Variants in VPS54 observed in about 807,000 individuals in gnomAD.
VPS54 encodes the protein VPS54 subunit of GARP complex, also known as vacuolar protein sorting-associated protein 54.
Under a neutral mutation model 121.5 loss-of-function variants are expected in VPS54, and 45 were observed. The observed-to-expected ratio is 0.37, with a 90% CI of 0.29 to 0.47. The LOEUF (loss-of-function observed/expected upper bound fraction) is 0.47, where lower values mean the gene tolerates loss of function less well. VPS54 is among the 20% of genes least tolerant of loss of function. VPS54 has a pLI of 0.99. For synonymous variants in VPS54, 371 were observed against 385.8 expected, an observed-to-expected ratio of 0.96 and a Z score of 0.45; for missense variants, 1,090 against 1,131.4, an observed-to-expected ratio of 0.96 and a Z score of 0.52.
At chr2:63,921,485 G>A (rs1673644827) in intron 12 of VPS54, 150 bp from the exon 13 acceptor site, 1 of 758,026 alleles carries the variant, frequency 1.3e-6, no homozygotes, top group South Asian at 2.2e-5. Flanking sequence ...AGTTTTTATA[G>A]TGAAACATTA....
intron 6 of VPS54, 151 bp downstream of exon 6, chr2:63,965,684 T>C: frequency 9.2e-7 from 1 of 1,089,440 alleles, no homozygotes; most frequent in Non-Finnish European, 1.3e-6. Flanking sequence ...GCTGTTAGTT[T>C]ATCAGTTAAG....
intron 13 of VPS54, 38 bp from the exon 14 acceptor site, chr2:63,920,665 C>T (rs760352830): frequency 1.6e-6 from 2 of 1,279,586 alleles, no homozygotes; most frequent in African/African-American, 3.1e-5. Context: ...GTTAGTGTAA[C>T]ACCAAATTGA....
At chr2:63,935,977 A>G (rs1216818604) in intron 11 of VPS54, among the ~76,000 whole-genome samples, 2 of 152,194 alleles carry the variant, frequency 1.3e-5, no homozygotes, top group African/African-American at 2.4e-5. Flanking sequence ...AATGTGGCAG[A>G]CCTAGAACTG....
At chr2:63,981,036 G>C (rs558844863) in intron 3 of VPS54, among the ~76,000 whole-genome samples, 3 of 151,982 alleles carry the variant, frequency 2.0e-5, no homozygotes, top group Admixed American at 2.0e-4. Flanking sequence ...TTCAAATTAG[G>C]CTTGCTAATG....
At chr2:63,992,815 A>T (rs1559045490) in intron 1 of VPS54, among the ~76,000 whole-genome samples, 1 of 152,068 alleles carries the variant, frequency 6.6e-6, no homozygotes, top group East Asian at 1.9e-4. Context: ...ATAGTTATTG[A>T]TTTTTTTATA....
chr2:63,987,483 T>C (rs1355544069), intron 1 of VPS54, among the ~76,000 whole-genome samples: 3 of 152,130 alleles, frequency 2.0e-5, no homozygotes, highest in Non-Finnish European at 4.4e-5. Context: ...TTCTTTTTTT[T>C]GCATAGGATA....
At chr2:63,988,223 T>C (rs535495803) in intron 1 of VPS54, among the ~76,000 whole-genome samples, 2 of 152,362 alleles carry the variant, frequency 1.3e-5, no homozygotes, top group South Asian at 2.1e-4. Flanking sequence ...GTTTTTATTA[T>C]GAAAGGATGT....
intron 7 of VPS54, among the ~76,000 whole-genome samples, chr2:63,960,154 G>A (rs1422842915): frequency 6.6e-6 from 1 of 151,166 alleles, no homozygotes; most frequent in South Asian, 2.1e-4. Flanking sequence ...GGTAGCAGGG[G>A]ACTGGGGGTG....
chr2:63,902,771 C>A (rs1672736735), intron 20 of VPS54, among the ~76,000 whole-genome samples: 1 of 152,068 alleles, frequency 6.6e-6, no homozygotes. Context: ...GAGTTCAGAC[C>A]AGCCTGGCCA....
intron 7 of VPS54, among the ~76,000 whole-genome samples, chr2:63,957,310 C>T (rs551696336): frequency 8.6e-5 from 13 of 151,562 alleles, no homozygotes; most frequent in South Asian, 2.1e-4. Context: ...GGTGTGGTGG[C>T]GGGCACCTGT....
chr2:63,999,930 G>A lies in VPS54; in HGVS notation c.-20-15911C>T, dbSNP rs545346937. Among the ~76,000 whole-genome samples, 69 of 152,064 alleles carry A rather than the reference G, an allele frequency of 4.5e-4. 1 individual carries two copies. Among genetic ancestry groups the A allele is most frequent in the Middle Eastern group, 3.4e-3 (1 of 294 alleles). On this transcript the variant is annotated intron_variant, in intron 1 of 22. Coordinates refer to ENST00000272322, the MANE Select transcript of VPS54 (RefSeq NM_016516.3). ...GACTAGAGTGCAATGGCACGATCTC[G>A]TCTCACTGCAACCTCTGCCTCCCAG...
At position 63,981,784 on chromosome 2, in the gene VPS54, A is replaced by G. The variant is rs1172643696; in HGVS notation, c.240T>C (p.Pro80=). Residue 80 remains proline, a synonymous_variant, in exon 3 of 23, where the codon CCT becomes CCC. Coordinates refer to ENST00000272322, the MANE Select transcript of VPS54 (RefSeq NM_016516.3). ...KVNLPAALND[P]RLAKRESDFF... ...AGTCAGATTCTCTTTTTGCTAATCTAGGATCGTTTAATGCTGCTGGGAGAT... is the reference window on the plus strand; with the variant it reads ...AGTCAGATTCTCTTTTTGCTAATCTGGGATCGTTTAATGCTGCTGGGAGAT... The G allele has an allele frequency of 6.2e-7, 1 of 1,613,800 alleles. No individual in the cohort carries two copies. Among genetic ancestry groups the G allele is most frequent in the East Asian group, 2.2e-5 (1 of 44,812 alleles).
intron 12 of VPS54, among the ~76,000 whole-genome samples, chr2:63,926,842 C>A (rs1413292057): frequency 1.3e-5 from 2 of 152,126 alleles, no homozygotes; most frequent in Non-Finnish European, 2.9e-5. Flanking sequence ...CCCTCCCGTG[C>A]CTGGCTCGGT....
At position 63,968,314 on chromosome 2, in the gene VPS54, G is replaced by T. The variant is rs552457206; in HGVS notation, c.492+643C>A. 9.9e-5 allele frequency among the ~76,000 whole-genome samples: 15 copies of T among 151,604 alleles called. No individual in the cohort carries two copies. In the South Asian group the frequency reaches 1.0e-3, roughly 10 times the overall value. ...ATGGAAAGATTTTAAAATATTTGTAGGTTTCAGTGATGAGAAAGAGACTGA... is the reference window on the plus strand; with the variant it reads ...ATGGAAAGATTTTAAAATATTTGTATGTTTCAGTGATGAGAAAGAGACTGA... On this transcript the variant is annotated intron_variant, in intron 5 of 22. Transcript: ENST00000272322.
chr2:63,957,380 T>G (rs967210264), intron 7 of VPS54, among the ~76,000 whole-genome samples: 3 of 148,724 alleles, frequency 2.0e-5, no homozygotes, highest in Admixed American at 6.8e-5. Context: ...AGGCGGAGCT[T>G]GCAGTGAGCC....
At chr2:64,016,281 G>C (rs1264251638) in intron 1 of VPS54, among the ~76,000 whole-genome samples, 1 of 152,148 alleles carries the variant, frequency 6.6e-6, no homozygotes, top group Non-Finnish European at 1.5e-5. Context: ...ACCAAAAAGT[G>C]TATCAGTTAT....
intron 3 of VPS54, among the ~76,000 whole-genome samples, chr2:63,975,818 T>C (rs1019520363): frequency 3.3e-5 from 5 of 152,188 alleles, no homozygotes; most frequent in African/African-American, 9.7e-5. Flanking sequence ...TTCCCCTGTC[T>C]CAATAAATCA....
At chr2:63,924,217 CTTT>C (rs1673788470) in intron 12 of VPS54, among the ~76,000 whole-genome samples, 1 of 152,210 alleles carries the variant, frequency 6.6e-6, no homozygotes, top group Non-Finnish European at 1.5e-5. Context: ...TCTGTTCTCT[CTTT>C]TGCCACAATG....
chr2:63,930,265 C>T (rs1408620539), intron 12 of VPS54, among the ~76,000 whole-genome samples: 2 of 152,050 alleles, frequency 1.3e-5, no homozygotes, highest in Admixed American at 6.6e-5. Flanking sequence ...AAATCCTCAA[C>T]AAAATACCGG....
Sources: gnomAD v4.1 joint callset for allele counts (sites outside exome capture counted in the v4.1 genomes callset) on GRCh38, gnomAD v4.1.1 for gene constraint, MANE v1.5 for transcripts, NCBI Gene and HGNC (gene_info 2026-07-23, HGNC 2026-07-21) for gene names.